Variants in PRKAA2 observed in about 807,000 individuals in gnomAD.
The protein encoded by PRKAA2 is protein kinase AMP-activated catalytic subunit alpha 2, also known as 5'-AMP-activated protein kinase catalytic subunit alpha-2.
PRKAA2 carries 40 observed loss-of-function variants against 56.3 expected under a neutral mutation model. The observed-to-expected ratio is 0.71, with a 90% CI of 0.55 to 0.92. The LOEUF is 0.92. PRKAA2 is among the 40% of genes least tolerant of loss of function. PRKAA2 has a pLI of 0.00. For missense variants in PRKAA2, 542 were observed against 686.9 expected, an observed-to-expected ratio of 0.79 and a Z score of 2.36; for synonymous variants, 214 against 234.2, an observed-to-expected ratio of 0.91 and a Z score of 0.79.
chr1:56,685,192 A>G (rs1644182391), intron 2 of PRKAA2, among the ~76,000 whole-genome samples: 1 of 152,216 alleles, frequency 6.6e-6, no homozygotes, highest in Non-Finnish European at 1.5e-5. Flanking sequence ...AAGAAGTCCA[A>G]GGACTGAGCT....
chr1:56,698,079 C>CTTT (rs530647275), intron 6 of PRKAA2, among the ~76,000 whole-genome samples: 3 of 121,104 alleles, frequency 2.5e-5, no homozygotes, highest in Admixed American at 1.7e-4. Context: ...TTTTTTAATT[C>CTTT]TTTTTTTTTT....
chr1:56,670,713 G>A (rs998345961), intron 1 of PRKAA2, among the ~76,000 whole-genome samples: 3 of 152,276 alleles, frequency 2.0e-5, no homozygotes, highest in South Asian at 2.1e-4. Flanking sequence ...TCATTAAATC[G>A]TTGTTCAACA....
intron 1 of PRKAA2, among the ~76,000 whole-genome samples, chr1:56,646,214 T>A (rs1159689699): frequency 6.6e-6 from 1 of 151,864 alleles, no homozygotes; most frequent in African/African-American, 2.4e-5. Flanking sequence ...CTTCCTGGGG[T>A]GTTGTTTAAC....
chr1:56,706,581 T>C (rs1423609990), intron 8 of PRKAA2, among the ~76,000 whole-genome samples: 1 of 152,244 alleles, frequency 6.6e-6, no homozygotes, highest in Non-Finnish European at 1.5e-5. Context: ...GTGTCTAAAC[T>C]TTCTCCTTCA....
chr1:56,657,332 A>G (rs932928117), intron 1 of PRKAA2, among the ~76,000 whole-genome samples: 1 of 152,218 alleles, frequency 6.6e-6, no homozygotes. Context: ...CGAAGAGGTA[A>G]AAGAAACAAA....
rs1479324029 is a variant in PRKAA2, at chr1:56,708,013, C to T, written c.*300C>T. The T allele has an allele frequency of 2.9e-6, 1 of 347,656 alleles. No individual in the cohort carries two copies. Among genetic ancestry groups the T allele is most frequent in the African/African-American group, 2.1e-5 (1 of 47,594 alleles). The allele number at this position is 347,656 out of a possible 1,614,324, so 21.5% of individuals were successfully genotyped here. On this transcript the variant is annotated 3_prime_UTR_variant, in exon 9 of 9. Transcript: ENST00000371244. ...TTCACTACAGACGATTAACACACCA[C>T]ACTGGCGAACCATCTCAATGTAAGG...
intron 1 of PRKAA2, among the ~76,000 whole-genome samples, chr1:56,655,260 T>TTATATACATA (rs368198472): frequency 0.018 from 1,243 of 70,936 alleles, 41 homozygotes; most frequent in South Asian, 0.026. Flanking sequence ...ATGTATGTAT[T>TTATATACATA]TATATATCTA....
chr1:56,654,249 T>C (rs11206890), intron 1 of PRKAA2, among the ~76,000 whole-genome samples: 66,123 of 151,932 alleles, frequency 0.44, 14,956 homozygotes, highest in Middle Eastern at 0.54. Context: ...ATCTTGCTTC[T>C]TTTTGTAAAA....
intron 4 of PRKAA2, 44 bp downstream of exon 4, chr1:56,692,546 T>G (rs1439780230): frequency 6.3e-7 from 1 of 1,579,060 alleles, no homozygotes; most frequent in Non-Finnish European, 8.6e-7. Context: ...AGCTACCTTT[T>G]AAAGCATAAC....
At chr1:56,661,380 C>T (rs1034661228) in intron 1 of PRKAA2, among the ~76,000 whole-genome samples, 1 of 152,130 alleles carries the variant, frequency 6.6e-6, no homozygotes, top group African/African-American at 2.4e-5. Context: ...TCCACCCCAC[C>T]AATGGGAACC....
intron 1 of PRKAA2, among the ~76,000 whole-genome samples, chr1:56,664,201 C>T (rs1569727224): frequency 6.6e-6 from 1 of 152,232 alleles, no homozygotes; most frequent in Admixed American, 6.5e-5. Context: ...TTCATAAGGC[C>T]TCAATGATTT....
At chr1:56,705,473 TG>T (rs774983196) in intron 7 of PRKAA2, among the ~76,000 whole-genome samples, 294 of 152,122 alleles carry the variant, frequency 1.9e-3, no homozygotes, top group Middle Eastern at 3.4e-3. Context: ...GGCGCGATCT[TG>T]GCTCACTGCA....
chr1:56,687,356 A>G (rs577523611), intron 2 of PRKAA2, among the ~76,000 whole-genome samples: 32 of 152,320 alleles, frequency 2.1e-4, no homozygotes, highest in Admixed American at 8.5e-4. Context: ...TAACATATAT[A>G]TGAATTTGAA....
At chr1:56,683,033 T>A (rs189578279) in intron 2 of PRKAA2, among the ~76,000 whole-genome samples, 1 of 149,906 alleles carries the variant, frequency 6.7e-6, no homozygotes, top group African/African-American at 2.4e-5. Context: ...AGAACTAATG[T>A]ATTACTGATG....
chr1:56,676,516 G>A (rs1035878189), intron 2 of PRKAA2, among the ~76,000 whole-genome samples: 13 of 152,140 alleles, frequency 8.5e-5, no homozygotes, highest in Admixed American at 5.2e-4. Flanking sequence ...AGCTCTGCTG[G>A]CACCTTGATT....
chr1:56,702,573 C>T (rs751890811), intron 6 of PRKAA2, among the ~76,000 whole-genome samples: 21 of 152,192 alleles, frequency 1.4e-4, no homozygotes, highest in Admixed American at 7.2e-4. Flanking sequence ...GGTACTCCAT[C>T]TCATAACTCA....
At chr1:56,652,435 T>A (rs564682240) in intron 1 of PRKAA2, among the ~76,000 whole-genome samples, 1 of 152,318 alleles carries the variant, frequency 6.6e-6, no homozygotes, top group Non-Finnish European at 1.5e-5. Context: ...GATTACAGGC[T>A]ATAAAGGTAA....
At chr1:56,703,563 T>C (rs1269405435) in intron 6 of PRKAA2, among the ~76,000 whole-genome samples, 2 of 152,150 alleles carry the variant, frequency 1.3e-5, no homozygotes, top group Non-Finnish European at 1.5e-5. Context: ...AGATAAGTGG[T>C]TGGAAAAGAA....
At chr1:56,666,291 G>A (rs1335590390) in intron 1 of PRKAA2, among the ~76,000 whole-genome samples, 1 of 152,150 alleles carries the variant, frequency 6.6e-6, no homozygotes, top group African/African-American at 2.4e-5. Flanking sequence ...GAAGGAGCTA[G>A]CCACCGTAAA....
Sources: allele counts gnomAD v4.1 joint callset (sites outside exome capture counted in the v4.1 genomes callset), GRCh38; gene constraint gnomAD v4.1.1; transcripts MANE v1.5; gene names NCBI Gene and HGNC (gene_info 2026-07-23, HGNC 2026-07-21).